Variants in GPC5 observed in about 807,000 individuals in gnomAD.
The protein encoded by GPC5 is glypican-5.
Under a neutral mutation model 53.9 loss-of-function variants are expected in GPC5, and 47 were observed. That is an observed-to-expected ratio of 0.87 (90% CI 0.69 to 1.11). GPC5 has a LOEUF of 1.11. Ranked by LOEUF, GPC5 falls within the 50% of genes most tolerant of loss-of-function variation. GPC5 has a pLI of 0.00. For missense variants in GPC5, 748 were observed against 713.1 expected, an observed-to-expected ratio of 1.05 and a Z score of -0.56; for synonymous variants, 286 against 263.3, an observed-to-expected ratio of 1.09 and a Z score of -0.84.
rs1323504115 is a variant in GPC5 at position 91,398,689 on chromosome 13, T to TGGCGGCAGC, written c.-350_-349insCGGCGGCAG. On this transcript the variant is annotated 5_prime_UTR_variant, in exon 1 of 8. Coordinates refer to ENST00000377067, the MANE Select transcript of GPC5 (RefSeq NM_004466.6). The stretch of plus-strand genomic sequence containing the variant: ...GCGGCGGCGGCGGCAGTGGCGGCAG[T>TGGCGGCAGC]GGCGGCAGTGGCGGCAGCGGCAGCA... The TGGCGGCAGC allele has an allele frequency of 6.6e-5, 15 of 228,114 alleles. 1 individual carries two copies. The highest frequency in any genetic ancestry group is 3.4e-4 in the South Asian group (3 of 8,808). 14.1% of individuals were successfully genotyped at this position (228,114 alleles called of 1,614,324 possible).
intron 7 of GPC5, among the ~76,000 whole-genome samples, chr13:92,808,348 GTTTC>G (rs990235603): frequency 6.6e-6 from 1 of 152,048 alleles, no homozygotes; most frequent in African/African-American, 2.4e-5. Context: ...AGATTCTTTA[GTTTC>G]TTTATTTAGA....
chr13:92,314,309 C>T (rs566952897), intron 7 of GPC5, among the ~76,000 whole-genome samples: 1 of 152,174 alleles, frequency 6.6e-6, no homozygotes, highest in South Asian at 2.1e-4. Context: ...GTTATGTCCC[C>T]AACTTTGGAA....
intron 7 of GPC5, among the ~76,000 whole-genome samples, chr13:92,458,287 GTTA>G (rs1878348738): frequency 9.7e-6 from 1 of 103,416 alleles, no homozygotes; most frequent in African/African-American, 4.0e-5. Flanking sequence ...ACACATACTA[GTTA>G]TTATTCTTTT....
intron 6 of GPC5, among the ~76,000 whole-genome samples, chr13:92,115,379 G>C (rs189847126): frequency 1.3e-5 from 2 of 152,250 alleles, no homozygotes; most frequent in African/African-American, 4.8e-5. Context: ...GGGGGTGCAT[G>C]CCTATAGTCT....
chr13:92,517,305 A>G (rs1433637481), intron 7 of GPC5, among the ~76,000 whole-genome samples: 1 of 152,224 alleles, frequency 6.6e-6, no homozygotes, highest in African/African-American at 2.4e-5. Flanking sequence ...CTGCAGACTT[A>G]AATGTCCCTG....
chr13:92,038,380 AT>A (rs2040912315), intron 6 of GPC5, among the ~76,000 whole-genome samples: 1 of 131,150 alleles, frequency 7.6e-6, no homozygotes, highest in African/African-American at 2.9e-5. Context: ...AGATAGATAG[AT>A]AGGTAGATAG....
At chr13:92,219,135 T>C (rs1287383445) in intron 7 of GPC5, among the ~76,000 whole-genome samples, 1 of 152,066 alleles carries the variant, frequency 6.6e-6, no homozygotes, top group Non-Finnish European at 1.5e-5. Flanking sequence ...GACTCTCCAG[T>C]TCAACCATCC....
intron 7 of GPC5, among the ~76,000 whole-genome samples, chr13:92,767,240 G>C (rs1875438129): frequency 6.6e-6 from 1 of 152,128 alleles, no homozygotes; most frequent in Non-Finnish European, 1.5e-5. Context: ...GGGAGGCCAA[G>C]CAGGTGGATC....
At chr13:91,775,708 C>T (rs894878412) in intron 5 of GPC5, among the ~76,000 whole-genome samples, 2 of 152,146 alleles carry the variant, frequency 1.3e-5, no homozygotes, top group Non-Finnish European at 2.9e-5. Flanking sequence ...TCTCTGGCAT[C>T]CCTTACACTT....
chr13:92,143,476 AAC>A (rs2041845751), intron 6 of GPC5, among the ~76,000 whole-genome samples: 1 of 152,124 alleles, frequency 6.6e-6, no homozygotes, highest in African/African-American at 2.4e-5. Context: ...CAGTATATTA[AAC>A]ACAGTAGAAA....
chr13:92,379,707 C>T (rs1438973204), intron 7 of GPC5, among the ~76,000 whole-genome samples: 3 of 152,070 alleles, frequency 2.0e-5, no homozygotes, highest in Non-Finnish European at 2.9e-5. Flanking sequence ...ATTTGTTCCT[C>T]GCTGTGCCCT....
chr13:92,445,879 C>G (rs890302467), intron 7 of GPC5, among the ~76,000 whole-genome samples: 12 of 152,092 alleles, frequency 7.9e-5, no homozygotes, highest in African/African-American at 2.9e-4. Context: ...CTAGCTTCAA[C>G]TGATCCTCCT....
intron 7 of GPC5, among the ~76,000 whole-genome samples, chr13:92,556,999 G>A (rs1882516642): frequency 6.6e-6 from 1 of 151,224 alleles, no homozygotes; most frequent in African/African-American, 2.4e-5. Flanking sequence ...CACAGGGAAT[G>A]TTTTAATCTT....
At chr13:92,396,382 A>G (rs1485933243) in intron 7 of GPC5, among the ~76,000 whole-genome samples, 2 of 151,610 alleles carry the variant, frequency 1.3e-5, no homozygotes, top group Non-Finnish European at 2.9e-5. Flanking sequence ...CTTTCATGTC[A>G]TGTTTGCTTT....
chr13:92,662,106 T>C, intron 7 of GPC5, among the ~76,000 whole-genome samples: 1 of 152,138 alleles, frequency 6.6e-6, no homozygotes, highest in East Asian at 1.9e-4. Context: ...TCCCATTACA[T>C]CTAGAGCTGA....
intron 7 of GPC5, among the ~76,000 whole-genome samples, chr13:92,498,980 C>T (rs888629349): frequency 6.6e-6 from 1 of 151,860 alleles, no homozygotes; most frequent in Non-Finnish European, 1.5e-5. Context: ...AAGATTACAT[C>T]CTAGATAGAA....
intron 7 of GPC5, among the ~76,000 whole-genome samples, chr13:92,501,444 C>T (rs1880180474): frequency 6.6e-6 from 1 of 152,104 alleles, no homozygotes; most frequent in African/African-American, 2.4e-5. Flanking sequence ...GTTAATTGGC[C>T]TTTGGAATAG....
At chr13:91,758,564 G>A (rs181295355) in intron 5 of GPC5, among the ~76,000 whole-genome samples, 49 of 152,116 alleles carry the variant, frequency 3.2e-4, no homozygotes, top group African/African-American at 1.1e-3. Context: ...TAGAGTGATA[G>A]TATTTTCAGC....
At chr13:91,550,674 G>T (rs1048810965) in intron 2 of GPC5, among the ~76,000 whole-genome samples, 4 of 151,986 alleles carry the variant, frequency 2.6e-5, no homozygotes, top group African/African-American at 7.2e-5. Flanking sequence ...AAAATTTTTT[G>T]ATTTTTCTGA....
Sources: gnomAD v4.1 joint callset for allele counts (sites outside exome capture counted in the v4.1 genomes callset) on GRCh38, gnomAD v4.1.1 for gene constraint, MANE v1.5 for transcripts, NCBI Gene and HGNC (gene_info 2026-07-23, HGNC 2026-07-21) for gene names.